WDR64: variants seen among roughly 807,000 people sequenced by gnomAD.
The protein encoded by WDR64 is WD repeat domain 64, also known as WD repeat-containing protein 64.
A neutral mutation model predicts 139.3 loss-of-function variants in WDR64; 112 were observed. The ratio of observed to expected loss-of-function variants is 0.80; its 90% CI spans 0.69 to 0.94. WDR64 has a LOEUF of 0.94. Among genes scored for constraint, WDR64 ranks in the 40% least tolerant of loss-of-function variants. The pLI is 0.00. For missense variants in WDR64, 1,206 were observed against 1,293.1 expected (o/e 0.93, Z 1.03); for synonymous variants, 444 against 437.7 (o/e 1.01, Z -0.18).
chr1:241,710,680 G>A (rs12093835), intron 8 of WDR64, among the ~76,000 whole-genome samples: 8,584 of 152,220 alleles, frequency 0.056, 832 homozygotes, highest in African/African-American at 0.2. Flanking sequence ...AAAGAGCTCA[G>A]TATGTCCAGA....
chr1:241,702,191 C>G (rs1014317811), intron 8 of WDR64, among the ~76,000 whole-genome samples: 19 of 152,152 alleles, frequency 1.2e-4, no homozygotes, highest in African/African-American at 4.3e-4. Context: ...ACTAACTACT[C>G]AGCATTACTT....
chr1:241,787,977 A>C lies in WDR64; in HGVS notation c.2834A>C (p.Glu945Ala), dbSNP rs1659103073. Residue 945 changes from glutamate to alanine, a missense_variant, in exon 24 of 28, where the codon GAA (glutamate) becomes GCA (alanine). Coordinates refer to ENST00000437684, the MANE Select transcript of WDR64 (RefSeq NM_001367482.1). Reference protein sequence around the residue: ...VTEYPIEIKEESKFTEKQKYE... With the variant: ...VTEYPIEIKEASKFTEKQKYE... ...GAATATCCCATAGAAATAAAAGAAG[A>C]AAGCAAGTTCACAGAGAAGCAAAAA... The C allele has an allele frequency of 1.2e-6, 2 of 1,608,566 alleles. No individual in the cohort carries two copies. The highest frequency in any genetic ancestry group is 1.7e-6 in the Non-Finnish European group (2 of 1,178,668).
In WDR64 at chr1:241,786,198, C is replaced by T. The variant is rs559053425; in HGVS notation, c.2706-1651C>T. 3.3e-5 allele frequency among the ~76,000 whole-genome samples: 5 copies of T among 152,258 alleles called. No homozygotes were observed. In the South Asian group the frequency reaches 1.0e-3, roughly 32 times the overall value. On this transcript the variant is annotated intron_variant, in intron 23 of 27. Coordinates refer to ENST00000437684, the MANE Select transcript of WDR64 (RefSeq NM_001367482.1). ...CAGGACACTGTCAAGTGGGAGAAGT[C>T]CCAAATAGATACCTCTGTTTCTGCC...
chr1:241,718,763 GT>G (rs1668494648), intron 9 of WDR64, among the ~76,000 whole-genome samples: 1 of 152,158 alleles, frequency 6.6e-6, no homozygotes, highest in Non-Finnish European at 1.5e-5. Flanking sequence ...AGCATTGTCA[GT>G]TTCTGGCGAG....
chr1:241,741,606 T>C lies in WDR64; in HGVS notation c.1412T>C (p.Met471Thr), dbSNP rs753916737. 6.2e-7 allele frequency: 1 copy of C among 1,613,546 alleles called. No individual in the cohort carries two copies. The highest frequency in any genetic ancestry group is 8.5e-7 in the Non-Finnish European group (1 of 1,179,882). ...PHTHEREINV[M>T]LYNKYFHQVL... ...ACTCATGAACGAGAAATCAATGTCA[T>C]GCTTTACAACAAATATTTTCATCAA... Residue 471 changes from methionine (M) to threonine (T), a missense_variant, in exon 12 of 28, where the codon ATG (methionine) becomes ACG (threonine). Coordinates refer to ENST00000437684, the MANE Select transcript of WDR64 (RefSeq NM_001367482.1).
intron 10 of WDR64, among the ~76,000 whole-genome samples, chr1:241,729,818 A>G (rs1669009311): frequency 1.3e-5 from 2 of 152,066 alleles, no homozygotes; most frequent in Admixed American, 1.3e-4. Context: ...TTCTGTTTGT[A>G]TGGGATTATC....
At chr1:241,705,277 C>T (rs927964370) in intron 8 of WDR64, among the ~76,000 whole-genome samples, 33 of 151,970 alleles carry the variant, frequency 2.2e-4, no homozygotes, top group Non-Finnish European at 3.8e-4. Flanking sequence ...CGGGGTGGCT[C>T]ACGCCTGTAA....
intron 1 of WDR64, among the ~76,000 whole-genome samples, chr1:241,658,450 T>G (rs1297313522): frequency 6.6e-6 from 1 of 151,838 alleles, no homozygotes; most frequent in Non-Finnish European, 1.5e-5. Context: ...CAGCCTGGGC[T>G]GTAACATAGT....
chr1:241,720,079 T>C (rs1285903238), intron 9 of WDR64, among the ~76,000 whole-genome samples: 1 of 152,184 alleles, frequency 6.6e-6, no homozygotes, highest in East Asian at 1.9e-4. Flanking sequence ...CTGTGTTAGT[T>C]TGCTGAGGAT....
chr1:241,753,028 G>A (rs1465521604), intron 14 of WDR64, among the ~76,000 whole-genome samples: 4 of 152,298 alleles, frequency 2.6e-5, no homozygotes, highest in African/African-American at 9.6e-5. Flanking sequence ...CCACCAGTAC[G>A]TAGGAGTACT....
At chr1:241,664,128 G>A (rs1181629378) in intron 2 of WDR64, among the ~76,000 whole-genome samples, 3 of 152,170 alleles carry the variant, frequency 2.0e-5, no homozygotes, top group Non-Finnish European at 4.4e-5. Context: ...GCATTGTTTT[G>A]TTTTTTGTTC....
intron 14 of WDR64, among the ~76,000 whole-genome samples, chr1:241,751,133 T>G (rs1306585175): frequency 6.6e-6 from 1 of 152,222 alleles, no homozygotes; most frequent in African/African-American, 2.4e-5. Flanking sequence ...CAGAAGGATA[T>G]TCCCTTTCAC....
At chr1:241,717,464 GC>G (rs1177434448) in intron 9 of WDR64, among the ~76,000 whole-genome samples, 5 of 151,966 alleles carry the variant, frequency 3.3e-5, no homozygotes, top group African/African-American at 7.2e-5. Context: ...TCTCTCTCCT[GC>G]TTTTTTGTGT....
chr1:241,708,543 A>G (rs971586523), intron 8 of WDR64, among the ~76,000 whole-genome samples: 2 of 151,962 alleles, frequency 1.3e-5, no homozygotes, highest in Non-Finnish European at 1.5e-5. Flanking sequence ...CGACCTCCTG[A>G]CCTCACATGA....
At chr1:241,700,952 A>G (rs1667688097) in intron 8 of WDR64, among the ~76,000 whole-genome samples, 1 of 152,244 alleles carries the variant, frequency 6.6e-6, no homozygotes, top group Non-Finnish European at 1.5e-5. Flanking sequence ...ACCAGAGAAA[A>G]GGAAAGGCAC....
rs148719152 is a variant in WDR64 at position 241,796,077 on chromosome 1, G to A, written c.3079-180G>A. 1.5e-3 allele frequency among the ~76,000 whole-genome samples: 234 copies of A among 152,146 alleles called. 1 individual carries two copies. The highest frequency in any genetic ancestry group is 4.6e-3 in the African/African-American group (192 of 41,512). The stretch of plus-strand genomic sequence containing the variant: ...AGCCTGGGCAACATAATGGGGCCCT[G>A]TCTCTATTTTAAAAATAAAAAATAA... On this transcript the variant is annotated intron_variant, in intron 26 of 27. Transcript: ENST00000437684.
At chr1:241,745,837 T>A (rs983794830) in intron 13 of WDR64, among the ~76,000 whole-genome samples, 2 of 152,108 alleles carry the variant, frequency 1.3e-5, no homozygotes, top group Non-Finnish European at 2.9e-5. Flanking sequence ...GCCACTGGTC[T>A]CCTCGCATTA....
At chr1:241,716,029 A>G (rs1668389398) in intron 9 of WDR64, among the ~76,000 whole-genome samples, 1 of 152,180 alleles carries the variant, frequency 6.6e-6, no homozygotes, top group African/African-American at 2.4e-5. Context: ...ACTTTTCATC[A>G]TGCATAATTT....
At position 241,672,068 on chromosome 1, in the gene WDR64, G is replaced by A. The variant is rs554066792; in HGVS notation, c.379+892G>A. On this transcript the variant is annotated intron_variant, in intron 3 of 27. Coordinates refer to ENST00000437684, the MANE Select transcript of WDR64 (RefSeq NM_001367482.1). ...TGTGCACCTGTAGTCCCAGCTACTCGGGAGGCTGAGGCAGAAGAATCACTT... is the reference window on the plus strand; with the variant it reads ...TGTGCACCTGTAGTCCCAGCTACTCAGGAGGCTGAGGCAGAAGAATCACTT... Among the ~76,000 whole-genome samples, 7 of 149,996 alleles carry A rather than the reference G, an allele frequency of 4.7e-5. No individual in the cohort carries two copies. The East Asian group carries it at 1.2e-3, about 25-fold the overall frequency.
Sources: gnomAD v4.1 joint callset for allele counts (sites outside exome capture counted in the v4.1 genomes callset) on GRCh38, gnomAD v4.1.1 for gene constraint, MANE v1.5 for transcripts, NCBI Gene and HGNC (gene_info 2026-07-23, HGNC 2026-07-21) for gene names.